The following WDR70 variants were observed in gnomAD, a reference collection of about 807,000 sequenced individuals.
WDR70 encodes WD repeat-containing protein 70.
A neutral mutation model predicts 88.6 loss-of-function variants in WDR70; 53 were observed. The ratio of observed to expected loss-of-function variants is 0.60; its 90% CI spans 0.48 to 0.75. The LOEUF (loss-of-function observed/expected upper bound fraction) is 0.75, where lower values mean the gene tolerates loss of function less well. Ranked by LOEUF, WDR70 falls within the 30% of genes least tolerant of loss-of-function variation. WDR70 has a pLI of 0.00. For synonymous variants in WDR70, 280 were observed against 270.0 expected (o/e 1.04, Z -0.36); for missense variants, 610 against 823.2 (o/e 0.74, Z 3.17).
intron 10 of WDR70, among the ~76,000 whole-genome samples, chr5:37,690,488 C>G (rs928041463): frequency 4.6e-5 from 7 of 152,122 alleles, no homozygotes; most frequent in Non-Finnish European, 1.0e-4. Flanking sequence ...AAAGGGAAGC[C>G]CATCAGACTA....
intron 17 of WDR70, among the ~76,000 whole-genome samples, chr5:37,736,051 C>T (rs566923745): frequency 9.2e-5 from 14 of 152,286 alleles, no homozygotes; most frequent in Non-Finnish European, 2.1e-4. Context: ...TGTTCAGCTA[C>T]ACATAGGCAG....
At chr5:37,677,019 C>T (rs1411484726) in intron 10 of WDR70, among the ~76,000 whole-genome samples, 2 of 152,160 alleles carry the variant, frequency 1.3e-5, no homozygotes, top group Non-Finnish European at 2.9e-5. Flanking sequence ...AGTTTATTTG[C>T]ATAGAGGTGT....
chr5:37,506,083 T>G, intron 8 of WDR70: 1 of 1,273,942 alleles, frequency 7.8e-7, no homozygotes, highest in Non-Finnish European at 1.1e-6. Context: ...CATTCAAGAT[T>G]TGCACAGTAA....
intron 9 of WDR70, among the ~76,000 whole-genome samples, chr5:37,581,802 C>T (rs1164580340): frequency 6.6e-6 from 1 of 152,138 alleles, no homozygotes; most frequent in African/African-American, 2.4e-5. Flanking sequence ...TAGAGGTGGA[C>T]AGCAGAGAGG....
intron 9 of WDR70, among the ~76,000 whole-genome samples, chr5:37,561,650 C>T (rs945600204): frequency 2.6e-5 from 4 of 152,166 alleles, no homozygotes; most frequent in African/African-American, 4.8e-5. Flanking sequence ...AGGGTCTCAG[C>T]AACAGGCCAT....
intron 9 of WDR70, among the ~76,000 whole-genome samples, chr5:37,520,378 C>A (rs1016186593): frequency 2.0e-5 from 3 of 151,952 alleles, no homozygotes; most frequent in Non-Finnish European, 4.4e-5. Flanking sequence ...TCAATCTATA[C>A]AAGTAAGAAT....
chr5:37,651,860 C>T (rs1581466639), intron 10 of WDR70, among the ~76,000 whole-genome samples: 2 of 151,978 alleles, frequency 1.3e-5, no homozygotes, highest in South Asian at 4.2e-4. Context: ...GGATATTAGC[C>T]CTTTGTCAGA....
intron 7 of WDR70, among the ~76,000 whole-genome samples, chr5:37,466,380 G>T (rs1354206301): frequency 2.0e-5 from 3 of 152,218 alleles, no homozygotes; most frequent in African/African-American, 7.2e-5. Context: ...CAATACATTA[G>T]CCACTAGCCA....
intron 5 of WDR70, among the ~76,000 whole-genome samples, chr5:37,402,971 A>G (rs1408356062): frequency 1.4e-5 from 1 of 70,320 alleles, no homozygotes; most frequent in Non-Finnish European, 2.5e-5. Context: ...TTTTGAGTCA[A>G]AGTCTTGCTC....
At chr5:37,719,091 A>G (rs1427061325) in intron 13 of WDR70, among the ~76,000 whole-genome samples, 1 of 152,138 alleles carries the variant, frequency 6.6e-6, no homozygotes, top group Non-Finnish European at 1.5e-5. Flanking sequence ...TTTCATAAAC[A>G]TGACTTCATG....
At chr5:37,475,696 G>T (rs1739459622) in intron 7 of WDR70, among the ~76,000 whole-genome samples, 1 of 152,002 alleles carries the variant, frequency 6.6e-6, no homozygotes. Flanking sequence ...TATCCATCCT[G>T]TCAAACTTTG....
intron 7 of WDR70, among the ~76,000 whole-genome samples, chr5:37,445,836 C>A (rs141763530): frequency 2.6e-5 from 4 of 152,230 alleles, no homozygotes; most frequent in African/African-American, 9.6e-5. Context: ...CAATATAATA[C>A]TGAATGGGCA....
intron 6 of WDR70, among the ~76,000 whole-genome samples, chr5:37,442,135 T>TCAAG (rs1332500086): frequency 6.6e-6 from 1 of 150,836 alleles, no homozygotes; most frequent in Non-Finnish European, 1.5e-5. Flanking sequence ...CCTCCCGAGT[T>TCAAG]CAAGCAATTC....
At chr5:37,634,420 A>C (rs1022761073) in intron 10 of WDR70, among the ~76,000 whole-genome samples, 6 of 152,142 alleles carry the variant, frequency 3.9e-5, no homozygotes, top group African/African-American at 1.4e-4. Flanking sequence ...AAAACAGTGG[A>C]TAGATTGAAT....
intron 9 of WDR70, among the ~76,000 whole-genome samples, chr5:37,517,292 T>G (rs1000557404): frequency 6.6e-6 from 1 of 152,216 alleles, no homozygotes; most frequent in African/African-American, 2.4e-5. Flanking sequence ...GGAAATTGAT[T>G]AAATTTGGTG....
At chr5:37,391,724 A>G (rs1748825635) in intron 3 of WDR70, among the ~76,000 whole-genome samples, 1 of 152,254 alleles carries the variant, frequency 6.6e-6, no homozygotes, top group Non-Finnish European at 1.5e-5. Context: ...TCTTATGAAC[A>G]TGGGTATACA....
intron 2 of WDR70, among the ~76,000 whole-genome samples, chr5:37,380,237 T>G (rs1200846846): frequency 6.6e-6 from 1 of 152,256 alleles, no homozygotes; most frequent in Non-Finnish European, 1.5e-5. Flanking sequence ...CTTGTTTTCT[T>G]TTGACCAGCG....
At chr5:37,558,901 G>A (rs1057202008) in intron 9 of WDR70, among the ~76,000 whole-genome samples, 3 of 149,294 alleles carry the variant, frequency 2.0e-5, no homozygotes, top group African/African-American at 4.9e-5. Flanking sequence ...GATACTTACT[G>A]TCATAATTTG....
chr5:37,571,109 G>A (rs1742886753), intron 9 of WDR70, among the ~76,000 whole-genome samples: 1 of 152,090 alleles, frequency 6.6e-6, no homozygotes, highest in African/African-American at 2.4e-5. Flanking sequence ...GAAAATGTTT[G>A]TGGATTTGAA....
Sources: gnomAD v4.1 joint callset for allele counts (sites outside exome capture counted in the v4.1 genomes callset) on GRCh38, gnomAD v4.1.1 for gene constraint, MANE v1.5 for transcripts, NCBI Gene and HGNC (gene_info 2026-07-23, HGNC 2026-07-21) for gene names.